The following ITGB4 variants were observed in gnomAD, a reference collection of about 807,000 sequenced individuals.
The protein encoded by ITGB4 is integrin beta-4.
Under a neutral mutation model 207.6 loss-of-function variants are expected in ITGB4, and 159 were observed. The observed-to-expected ratio is 0.77, with a 90% confidence interval of 0.67 to 0.87. The LOEUF (loss-of-function observed/expected upper bound fraction) is 0.87. Ranked by LOEUF, ITGB4 falls within the 40% of genes least tolerant of loss-of-function variation. ITGB4 has a pLI of 0.00. For synonymous variants in ITGB4, 1,020 were observed against 1,062.7 expected (o/e 0.96, Z 0.78); for missense variants, 2,278 against 2,546.8 (o/e 0.89, Z 2.27).
At chr17:75,756,408 G>A (rs1277098652) in intron 35 of ITGB4, 21 bp from the exon 36 acceptor site, 1 of 1,612,274 alleles carries the variant, frequency 6.2e-7, no homozygotes, top group Non-Finnish European at 8.5e-7. Flanking sequence ...ACTACTGTGT[G>A]CCCCCACCTG....
chr17:75,726,798 G>A (rs184691814), intron 2 of ITGB4, among the ~76,000 whole-genome samples: 2 of 151,894 alleles, frequency 1.3e-5, no homozygotes, highest in Non-Finnish European at 2.9e-5. Flanking sequence ...ATAAGGCCGG[G>A]CCCGGTGGCT....
intron 27 of ITGB4, 150 bp downstream of exon 27, chr17:75,749,195 G>A (rs937522693): frequency 1.5e-5 from 11 of 722,246 alleles, no homozygotes; most frequent in Non-Finnish European, 2.1e-5. Flanking sequence ...GGTAGGATAA[G>A]TATGTCCCAT....
rs751483946 is a variant in ITGB4, at chr17:75,740,004, G to A, written c.2379G>A (p.Lys793=). Residue 793 remains lysine (K), a synonymous_variant, in exon 20 of 40, where the codon AAG becomes AAA. Transcript: ENST00000200181. The surrounding 1 kb of genome is among the most constrained non-coding windows in gnomAD (Gnocchi z 5.9). ...NLKGRDVVRW[K]VTNNMQRPGF... ...AGGGCCGTGACGTGGTCCGCTGGAA[G>A]GTCACCAACAACATGCAGCGGCCTG... is the stretch of plus-strand genomic sequence containing the variant. 8.1e-6 allele frequency: 13 copies of A among 1,613,228 alleles called. No homozygotes were observed. Among genetic ancestry groups the A allele is most frequent in the African/African-American group, 1.3e-5 (1 of 75,070 alleles).
In ITGB4 at chr17:75,751,070, C is replaced by A. The variant is rs778423346; in HGVS notation, c.3752C>A (p.Thr1251Lys). The change falls in exon 30 of 40, where the codon ACA (threonine) becomes AAA (lysine). Residue 1251 changes from threonine to lysine, a missense_variant. Transcript: ENST00000200181. The stretch of plus-strand genomic sequence containing the variant: ...CCGGCTGAGACCAACGGTGAGATCA[C>A]AGCCTACGAGGTCTGCTATGGCCTG... Reference protein sequence around the residue: ...AEPAETNGEITAYEVCYGLVN... With the variant: ...AEPAETNGEIKAYEVCYGLVN... The A allele has an allele frequency of 5.6e-6, 9 of 1,613,794 alleles. No individual in the cohort carries two copies. The Admixed American group carries it at 1.3e-4, about 24-fold the overall frequency.
rs1469888287 is a variant in ITGB4, at chr17:75,757,744, T to C, written c.*189T>C. 5 of 770,926 alleles carry C rather than the reference T, an allele frequency of 6.5e-6. No homozygotes were observed. The highest frequency in any genetic ancestry group is 1.1e-5 in the Non-Finnish European group (5 of 467,956). The allele number at this position is 770,926 out of a possible 1,614,324, so 47.8% of individuals were successfully genotyped here. The stretch of plus-strand genomic sequence containing the variant: ...CGTCCTCTGTGGGCCCAAACCTATT[T>C]GTAACCAAAGAGCTGGGAGCAGCAC... On this transcript the variant is annotated 3_prime_UTR_variant, in exon 40 of 40. Coordinates refer to ENST00000200181, the MANE Select transcript of ITGB4 (RefSeq NM_000213.5).
In ITGB4 at chr17:75,757,237, C is replaced by T; in HGVS notation, c.5256C>T (p.Phe1752=). The T allele has an allele frequency of 6.2e-7, 1 of 1,612,012 alleles. No individual in the cohort carries two copies. Among genetic ancestry groups the T allele is most frequent in the Non-Finnish European group, 8.5e-7 (1 of 1,179,994 alleles). Residue 1752 remains phenylalanine, a synonymous_variant, in exon 39 of 40, where the codon TTC becomes TTT. Transcript: ENST00000200181. Reference sequence around the variant, plus strand: ...AGCTGGGCAGCCGTGCCGGGCTCTTCCAGCACCCGCTGCAAAGCGAGTACA... The same window carrying T: ...AGCTGGGCAGCCGTGCCGGGCTCTTTCAGCACCCGCTGCAAAGCGAGTACA... ...FPQLGSRAGL[F]QHPLQSEYSS... is the part of the protein sequence containing the mutation.
Position 75,757,419 on chromosome 17 carries a change from G to A in ITGB4, c.5333G>A (p.Gly1778Glu), listed in dbSNP as rs1448303878. 5 of 1,612,984 alleles carry A rather than the reference G, an allele frequency of 3.1e-6. No homozygotes were observed. The highest frequency in any genetic ancestry group is 1.6e-4 in the Middle Eastern group (1 of 6,084). The change falls in exon 40 of 40, where the codon GGG becomes GAG. Residue 1778 changes from glycine to glutamate, a missense_variant. Transcript: ENST00000200181. ...TSATEPFLVD[G>E]LTLGAQHLEA... ...TCTAATGCCTCCTCCTCCACAGATG[G>A]GCTGACCCTGGGGGCCCAGCACCTG...
Position 75,729,175 on chromosome 17 carries a change from A to AAT in ITGB4, c.567-90_567-89insAT. ...CTTGGTCTCAAAAAAAAAAAAAAAAATTCTCCTTCTAGTTGAAACGAGCCA... is the reference window on the plus strand; with the variant it reads ...CTTGGTCTCAAAAAAAAAAAAAAAAAATTTCTCCTTCTAGTTGAAACGAGCCA... On this transcript the variant is annotated intron_variant, in intron 6 of 39. Coordinates refer to ENST00000200181, the MANE Select transcript of ITGB4 (RefSeq NM_000213.5). The surrounding 1 kb of genome is among the most constrained non-coding windows in gnomAD (Gnocchi z 4.4). The AAT allele has an allele frequency of 8.0e-7, 1 of 1,249,006 alleles. No individual in the cohort carries two copies. The allele number at this position is 1,249,006 out of a possible 1,614,324, so 77.4% of individuals were successfully genotyped here.
intron 26 of ITGB4, 98 bp downstream of exon 26, chr17:75,743,959 T>C (rs887710517): frequency 2.2e-6 from 3 of 1,342,320 alleles, no homozygotes; most frequent in African/African-American, 2.9e-5. Context: ...GCTGCTTGAG[T>C]CCCTGGATAC....
chr17:75,757,573 CCCG>C lies in ITGB4; in HGVS notation c.*21_*23del, dbSNP rs781658117. The C allele has an allele frequency of 7.4e-6, 12 of 1,613,220 alleles. No individual in the cohort carries two copies. The highest frequency in any genetic ancestry group is 1.7e-5 in the Admixed American group (1 of 60,016). On this transcript the variant is annotated 3_prime_UTR_variant, in exon 40 of 40. Transcript: ENST00000200181. ...AAACTTGACCGCACCCTGCCCCACC[CCCG>C]CCACGTCCCACTAGGCGTCCTCCCG...
chr17:75,738,365 G>A (rs1440159965), intron 18 of ITGB4, among the ~76,000 whole-genome samples: 5 of 152,256 alleles, frequency 3.3e-5, no homozygotes, highest in South Asian at 2.1e-4. Flanking sequence ...TTGTGCTGTC[G>A]CCACAGCATG....
chr17:75,730,224 C>T lies in ITGB4; in HGVS notation c.739-17C>T, dbSNP rs777852570. On this transcript the variant is annotated splice_polypyrimidine_tract_variant and intron_variant, in intron 7 of 39. Transcript: ENST00000200181. ...GGCAGCCTGCTCAGTGGGCACGCCC[C>T]GCCTTGCCTTCCCCAGAGGGACATT... 58 of 1,612,128 alleles carry T rather than the reference C, an allele frequency of 3.6e-5. No individual in the cohort carries two copies. In the African/African-American group the frequency reaches 3.9e-4, roughly 11 times the overall value.
chr17:75,737,721 G>T (rs1467723327), intron 18 of ITGB4, 77 bp downstream of exon 18: 4 of 1,202,706 alleles, frequency 3.3e-6, no homozygotes, highest in East Asian at 2.4e-5. Flanking sequence ...CTCCACCAGG[G>T]TCCCCAGTCC....
intron 27 of ITGB4, 145 bp downstream of exon 27, chr17:75,749,190 G>T: frequency 1.4e-6 from 1 of 735,080 alleles, no homozygotes; most frequent in South Asian, 1.6e-5. Flanking sequence ...ACGTTGGTAG[G>T]ATAAGTATGT....
At position 75,740,271 on chromosome 17, in the gene ITGB4, C is replaced by A; in HGVS notation, c.2447-87C>A. The A allele has an allele frequency of 7.5e-7, 1 of 1,333,668 alleles. No homozygotes were observed. The highest frequency in any genetic ancestry group is 1.2e-5 in the South Asian group (1 of 81,498). 82.6% of individuals were successfully genotyped at this position (1,333,668 alleles called of 1,614,324 possible). Reference sequence around the variant, plus strand: ...CTGGCCAGGCATCCCCTGATCCTAGCATGGTTGCTGGAGGGATGCTCTGTG... The same window carrying A: ...CTGGCCAGGCATCCCCTGATCCTAGAATGGTTGCTGGAGGGATGCTCTGTG... On this transcript the variant is annotated intron_variant, in intron 20 of 39. Coordinates refer to ENST00000200181, the MANE Select transcript of ITGB4 (RefSeq NM_000213.5). The surrounding 1 kb of genome is among the most constrained non-coding windows in gnomAD (Gnocchi z 5.9).
Position 75,729,524 on chromosome 17 carries a change from G to T in ITGB4, c.738+88G>T, listed in dbSNP as rs2060805418. 7.0e-7 allele frequency: 1 copy of T among 1,419,450 alleles called. No homozygotes were observed. Among genetic ancestry groups the T allele is most frequent in the Non-Finnish European group, 9.5e-7 (1 of 1,051,202 alleles). 87.9% of individuals were successfully genotyped at this position (1,419,450 alleles called of 1,614,324 possible). ...GAGCTGCCCCCTGGCCTGCTCTGGT[G>T]CCAGGCTCACAGGCCCTGAGGGAAA... On this transcript the variant is annotated intron_variant, in intron 7 of 39. Transcript: ENST00000200181. This position sits in a 1 kb window ranked among gnomAD's most constrained non-coding sequence, Gnocchi z 4.4.
At chr17:75,737,298 C>T (rs1400690664) in intron 16 of ITGB4, 24 bp from the exon 17 acceptor site, 4 of 1,582,834 alleles carry the variant, frequency 2.5e-6, no homozygotes, top group East Asian at 2.3e-5. Flanking sequence ...GCTGGGGTGC[C>T]CTGCTGACTG....
chr17:75,732,368 AC>A lies in ITGB4; in HGVS notation c.1454+130del. The A allele has an allele frequency of 1.2e-6, 1 of 867,366 alleles. No homozygotes were observed. Among genetic ancestry groups the A allele is most frequent in the Non-Finnish European group, 1.9e-6 (1 of 528,410 alleles). 53.7% of individuals were successfully genotyped at this position (867,366 alleles called of 1,614,324 possible). On this transcript the variant is annotated intron_variant, in intron 12 of 39. Transcript: ENST00000200181. The surrounding 1 kb of genome is among the most constrained non-coding windows in gnomAD (Gnocchi z 5.3). ...TGGGGGTGGGGCGGCAATCAAAGAA[AC>A]GGCTAAGGGCGGGGCACACCCAGTT...
Position 75,740,398 on chromosome 17 carries a change from C to G in ITGB4, c.2487C>G (p.Thr829=). The G allele has an allele frequency of 6.2e-7, 1 of 1,613,830 alleles. No individual in the cohort carries two copies. The highest frequency in any genetic ancestry group is 8.5e-7 in the Non-Finnish European group (1 of 1,180,010). Residue 829 remains threonine, a synonymous_variant, in exon 21 of 40, where the codon ACC becomes ACG. Coordinates refer to ENST00000200181, the MANE Select transcript of ITGB4 (RefSeq NM_000213.5). The surrounding 1 kb of genome is among the most constrained non-coding windows in gnomAD (Gnocchi z 5.9). ...CCTTGCGCCTGGCCCGCCTTTGCAC[C>G]GAGAACCTGCTGAAGCCTGACACTC... The part of the protein sequence containing the change: ...GLSLRLARLC[T]ENLLKPDTRE...
Sources: allele counts gnomAD v4.1 joint callset (sites outside exome capture counted in the v4.1 genomes callset), GRCh38; gene constraint gnomAD v4.1.1; non-coding constraint Gnocchi (gnomAD v3.1); transcripts MANE v1.5; gene names NCBI Gene and HGNC (gene_info 2026-07-23, HGNC 2026-07-21).